Variants in DNAH8 observed in about 807,000 individuals in gnomAD.
DNAH8 encodes the protein axonemal beta dynein heavy chain 8.
A neutral mutation model predicts 562.1 loss-of-function variants in DNAH8; 382 were observed. That is an observed-to-expected ratio of 0.68 (90% CI 0.63 to 0.74). The LOEUF (loss-of-function observed/expected upper bound fraction) is 0.74. Among genes scored for constraint, DNAH8 ranks in the 30% least tolerant of loss-of-function variants. The pLI is 0.00. For missense variants in DNAH8, 5,203 were observed against 5,620.4 expected (o/e 0.93, Z 2.37); for synonymous variants, 1,881 against 1,919.4 (o/e 0.98, Z 0.52).
Position 38,894,753 on chromosome 6 carries a change from A to G in DNAH8, c.8636A>G (p.Asp2879Gly). 6.2e-7 allele frequency: 1 copy of G among 1,614,012 alleles called. No homozygotes were observed. The highest frequency in any genetic ancestry group is 8.5e-7 in the Non-Finnish European group (1 of 1,179,968). ...SKFHYIFNLR[D>G]LSRIWQGMLT... ...TTTCATTACATCTTCAATCTTCGAG[A>G]TCTTTCCAGAATTTGGCAAGGAATG... Residue 2879 changes from aspartate (D) to glycine (G), a missense_variant, in exon 59 of 93, where the codon GAT (aspartate) becomes GGT (glycine). Coordinates refer to ENST00000327475, the MANE Select transcript of DNAH8 (RefSeq NM_001206927.2).
At chr6:38,782,413 T>A (rs1768716839) in intron 16 of DNAH8, among the ~76,000 whole-genome samples, 2 of 152,078 alleles carry the variant, frequency 1.3e-5, no homozygotes, top group South Asian at 4.2e-4. Context: ...CTGGAGTAGC[T>A]GGGATTACAG....
chr6:38,754,386 A>G (rs1648349012), intron 9 of DNAH8, among the ~76,000 whole-genome samples: 2 of 152,098 alleles, frequency 1.3e-5, no homozygotes, highest in South Asian at 4.1e-4. Flanking sequence ...TGATCTACAG[A>G]TACCATATAT....
rs59349276 is a variant in DNAH8, at chr6:38,789,324, G to A, written c.2584-479G>A. Among the ~76,000 whole-genome samples the A allele has an allele frequency of 3.4e-3, 522 of 152,210 alleles. 3 individuals are homozygous for A. The highest frequency in any genetic ancestry group is 0.012 in the African/African-American group (495 of 41,540). On this transcript the variant is annotated intron_variant, in intron 18 of 92. Coordinates refer to ENST00000327475, the MANE Select transcript of DNAH8 (RefSeq NM_001206927.2). ...CCACAGTGTAGTAAATTACAAAATA[G>A]TAAAAAATTGATCATCATGGATCAT...
intron 8 of DNAH8, among the ~76,000 whole-genome samples, chr6:38,747,770 A>G (rs940035078): frequency 2.6e-5 from 4 of 152,146 alleles, no homozygotes; most frequent in Non-Finnish European, 5.9e-5. Context: ...AACAATTCCT[A>G]TGTTTTCATC....
At chr6:38,915,099 G>C in intron 67 of DNAH8, 102 bp from the exon 68 acceptor site, 1 of 1,001,762 alleles carries the variant, frequency 1.0e-6, no homozygotes, top group Admixed American at 3.0e-5. Context: ...GTTCTTATTC[G>C]TGTTTTATAT....
intron 11 of DNAH8, among the ~76,000 whole-genome samples, chr6:38,766,716 C>A (rs1376005703): frequency 1.3e-5 from 2 of 152,042 alleles, no homozygotes; most frequent in African/African-American, 4.8e-5. Flanking sequence ...CCCCCCACCC[C>A]AAAAAATAAC....
chr6:38,842,886 C>T lies in DNAH8; in HGVS notation c.4828C>T (p.His1610Tyr). 3 of 1,612,770 alleles carry T rather than the reference C, an allele frequency of 1.9e-6. No homozygotes were observed. Among genetic ancestry groups the T allele is most frequent in the Non-Finnish European group, 2.5e-6 (3 of 1,178,930 alleles). Reference protein sequence around the residue: ...RNIMEAPLLKHKDDIEDICIS... With the variant: ...RNIMEAPLLKYKDDIEDICIS... ...TATCATGGAAGCACCACTCCTTAAA[C>T]ATAAGGATGATATTGAGGTACATAA... Residue 1610 changes from histidine (H) to tyrosine (Y), a missense_variant, in exon 35 of 93, where the codon CAT becomes TAT. By Grantham distance (83) the His-to-Tyr change is moderately conservative. Around this residue, in one of 6 missense-constraint regions of DNAH8, gnomAD observed 2,176 missense variants for 2,365.1 expected, o/e 0.92. Coordinates refer to ENST00000327475, the MANE Select transcript of DNAH8 (RefSeq NM_001206927.2).
At chr6:38,742,303 T>C (rs550219093) in intron 8 of DNAH8, among the ~76,000 whole-genome samples, 39 of 152,294 alleles carry the variant, frequency 2.6e-4, no homozygotes, top group African/African-American at 9.1e-4. Flanking sequence ...GATTCTTTTC[T>C]TTTCTTTCTT....
At chr6:38,936,693 G>A (rs1346425309) in intron 77 of DNAH8, among the ~76,000 whole-genome samples, 1 of 152,100 alleles carries the variant, frequency 6.6e-6, no homozygotes, top group Non-Finnish European at 1.5e-5. Flanking sequence ...ATACCCCTGG[G>A]CATTAAAAAT....
In DNAH8 at chr6:38,775,631, C is replaced by T. The variant is rs114878846; in HGVS notation, c.1765-123C>T. The T allele has an allele frequency of 4.0e-3, 2,535 of 632,002 alleles. 7 individuals are homozygous for T. The highest frequency in any genetic ancestry group is 6.8e-3 in the South Asian group (329 of 48,364). The allele number at this position is 632,002 out of a possible 1,614,324, so 39.1% of individuals were successfully genotyped here. A position where few individuals can be genotyped will look rare whatever the true frequency, so the allele number is the denominator to read the frequency against. On this transcript the variant is annotated intron_variant, in intron 12 of 92. Coordinates refer to ENST00000327475, the MANE Select transcript of DNAH8 (RefSeq NM_001206927.2). ...TTTTATCTCCTCTGGTTGGTTTTAGCGAAATTATTCTAGGCCCTGTTTAAT... is the reference window on the plus strand; with the variant it reads ...TTTTATCTCCTCTGGTTGGTTTTAGTGAAATTATTCTAGGCCCTGTTTAAT...
chr6:38,811,580 AT>A (rs1320749553), intron 24 of DNAH8, among the ~76,000 whole-genome samples: 2 of 152,018 alleles, frequency 1.3e-5, no homozygotes, highest in African/African-American at 4.8e-5. Context: ...AGTTTAGCAA[AT>A]TTTTTATTTT....
At position 38,790,312 on chromosome 6, in the gene DNAH8, A is replaced by T; in HGVS notation, c.2688A>T (p.Gly896=). Residue 896 remains glycine, a synonymous_variant, in exon 20 of 93, where the codon GGA becomes GGT. Coordinates refer to ENST00000327475, the MANE Select transcript of DNAH8 (RefSeq NM_001206927.2). ...MKKVESVLRQ[G]LTVLTWSSLT... ...AGGTGGAATCTGTGTTGAGGCAAGG[A>T]CTCACAGTGTTAACATGGTCGTCTT... 6.2e-7 allele frequency: 1 copy of T among 1,607,748 alleles called. No individual in the cohort carries two copies. The highest frequency in any genetic ancestry group is 1.1e-5 in the South Asian group (1 of 89,964).
chr6:38,739,582 G>A (rs74552907), intron 7 of DNAH8, among the ~76,000 whole-genome samples: 5,529 of 152,232 alleles, frequency 0.036, 130 homozygotes, highest in Non-Finnish European at 0.049. Context: ...CAAGGCAAGA[G>A]GATCGCTTGA....
intron 82 of DNAH8, 135 bp downstream of exon 82, chr6:38,951,655 T>C (rs1453376156): frequency 1.4e-6 from 1 of 736,496 alleles, no homozygotes; most frequent in Non-Finnish European, 2.3e-6. Flanking sequence ...CTTATTCCTC[T>C]TTCATCCTTT....
chr6:38,816,351 C>T (rs1317982827), intron 26 of DNAH8, among the ~76,000 whole-genome samples: 4 of 152,148 alleles, frequency 2.6e-5, no homozygotes, highest in Admixed American at 2.6e-4. Flanking sequence ...GTTTTCTGTT[C>T]CTGCATTAGT....
intron 54 of DNAH8, 122 bp downstream of exon 54, chr6:38,883,174 T>C (rs1778642082): frequency 7.5e-7 from 1 of 1,334,350 alleles, no homozygotes; most frequent in Admixed American, 2.5e-5. Context: ...GTAATACAAC[T>C]GGGACTTATT....
intron 8 of DNAH8, among the ~76,000 whole-genome samples, chr6:38,742,208 G>A (rs1419173054): frequency 6.6e-6 from 1 of 152,138 alleles, no homozygotes; most frequent in Non-Finnish European, 1.5e-5. Flanking sequence ...ACTGCATATA[G>A]AGTCAAAAGT....
At chr6:38,871,734 A>T (rs1460291414) in intron 49 of DNAH8, among the ~76,000 whole-genome samples, 2 of 152,044 alleles carry the variant, frequency 1.3e-5, no homozygotes, top group Non-Finnish European at 2.9e-5. Flanking sequence ...GCCCCTGCCC[A>T]GCTTCTGTGT....
intron 4 of DNAH8, among the ~76,000 whole-genome samples, chr6:38,732,011 C>T (rs1763695036): frequency 6.6e-6 from 1 of 152,164 alleles, no homozygotes; most frequent in Admixed American, 6.5e-5. Flanking sequence ...CCACCACACC[C>T]AGCCTACATT....
Sources: allele counts gnomAD v4.1 joint callset (sites outside exome capture counted in the v4.1 genomes callset), GRCh38; gene constraint gnomAD v4.1.1; regional missense constraint gnomAD v4.1.1; transcripts MANE v1.5; gene names NCBI Gene and HGNC (gene_info 2026-07-23, HGNC 2026-07-21).